SLC2A9: variants seen among roughly 807,000 people sequenced by gnomAD.
SLC2A9 encodes solute carrier family 2 member 9.
SLC2A9 carries 39 observed loss-of-function variants against 50.6 expected under a neutral mutation model. The ratio of observed to expected loss-of-function variants is 0.77; its 90% CI spans 0.60 to 1.01. SLC2A9 has a LOEUF of 1.01. Among genes scored for constraint, SLC2A9 ranks in the 50% least tolerant of loss-of-function variants. SLC2A9 has a pLI of 0.00. For synonymous variants in SLC2A9, 324 were observed against 276.9 expected (o/e 1.17, Z -1.69); for missense variants, 686 against 677.6 (o/e 1.01, Z -0.14).
rs113894972 is a variant in SLC2A9 at position 9,829,750 on chromosome 4, AC to A, written c.1420-3151del. On this transcript the variant is annotated intron_variant, in intron 11 of 11. Coordinates refer to ENST00000264784, the MANE Select transcript of SLC2A9 (RefSeq NM_020041.3). ...AAGAAGACATTCATATGGCCAAAAA[AC>A]ATATGAAAAAAAGCTCAACATCACT... 9.6e-3 allele frequency among the ~76,000 whole-genome samples: 1,469 copies of A among 152,302 alleles called. 20 individuals are homozygous for A. The highest frequency in any genetic ancestry group is 0.033 in the African/African-American group (1,382 of 41,562).
At chr4:9,915,356 G>C (rs554931613) in intron 7 of SLC2A9, among the ~76,000 whole-genome samples, 2 of 152,302 alleles carry the variant, frequency 1.3e-5, no homozygotes, top group African/African-American at 4.8e-5. Flanking sequence ...TCCTGCCTCA[G>C]CCTCCTGAGT....
intron 3 of SLC2A9, among the ~76,000 whole-genome samples, chr4:9,803,023 G>C (rs1172425772): frequency 2.6e-5 from 4 of 152,222 alleles, no homozygotes; most frequent in African/African-American, 2.4e-5. Flanking sequence ...TAGATATATG[G>C]TGTCAGAGGA....
At chr4:9,896,730 C>T (rs1176863988) in intron 8 of SLC2A9, among the ~76,000 whole-genome samples, 2 of 152,256 alleles carry the variant, frequency 1.3e-5, no homozygotes, top group East Asian at 3.9e-4. Flanking sequence ...GATACGTGGT[C>T]CATTTTGAGT....
At chr4:9,969,863 T>C (rs933761996) in intron 5 of SLC2A9, among the ~76,000 whole-genome samples, 1 of 152,220 alleles carries the variant, frequency 6.6e-6, no homozygotes, top group Non-Finnish European at 1.5e-5. Context: ...ATGGGAATTA[T>C]GGGAGCTACA....
At chr4:9,822,315 T>G (rs781677512), downstream of SLC2A9, among the ~76,000 whole-genome samples, 2 of 152,192 alleles carry the variant, frequency 1.3e-5, no homozygotes, top group Non-Finnish European at 2.9e-5. Flanking sequence ...TTATCTTTAT[T>G]ATTTTCTTCC....
intron 3 of SLC2A9, among the ~76,000 whole-genome samples, chr4:9,805,485 A>T (rs923719849): frequency 6.6e-6 from 1 of 152,026 alleles, no homozygotes; most frequent in Non-Finnish European, 1.5e-5. Flanking sequence ...GATCACCTGA[A>T]CTCAGGAGTT....
chr4:9,887,520 T>C, intron 10 of SLC2A9, 47 bp downstream of exon 10: 2 of 1,518,588 alleles, frequency 1.3e-6, no homozygotes, highest in African/African-American at 1.4e-5. Context: ...AGCTTGGTGA[T>C]GCCATGAGTC....
At chr4:9,975,890 C>A (rs999937961) in intron 5 of SLC2A9, among the ~76,000 whole-genome samples, 1 of 152,188 alleles carries the variant, frequency 6.6e-6, no homozygotes, top group Non-Finnish European at 1.5e-5. Context: ...ATGTGATACA[C>A]ATACACCGTA....
chr4:9,859,882 A>G (rs2109382905), intron 10 of SLC2A9, among the ~76,000 whole-genome samples: 1 of 152,276 alleles, frequency 6.6e-6, no homozygotes, highest in South Asian at 2.1e-4. Context: ...GTTGGCTGTG[A>G]CAAGCGGCCT....
intron 3 of SLC2A9, chr4:9,781,961 G>C: frequency 7.6e-7 from 1 of 1,316,954 alleles, no homozygotes; most frequent in Admixed American, 3.2e-5. Context: ...GGTGCCCGAT[G>C]GGGCTGCCTG....
chr4:9,946,709 TG>T (rs1348126230), intron 5 of SLC2A9, among the ~76,000 whole-genome samples: 1 of 152,196 alleles, frequency 6.6e-6, no homozygotes, highest in Non-Finnish European at 1.5e-5. Context: ...CTGCTAAGTG[TG>T]TTACAAATGT....
chr4:9,797,883 T>G (rs1412797627), downstream of SLC2A9, among the ~76,000 whole-genome samples: 1 of 152,138 alleles, frequency 6.6e-6, no homozygotes, highest in Non-Finnish European at 1.5e-5. Context: ...ATGTATATAT[T>G]TTAGGCAAAC....
At chr4:9,995,409 T>C (rs1758472390) in intron 3 of SLC2A9, among the ~76,000 whole-genome samples, 1 of 152,220 alleles carries the variant, frequency 6.6e-6, no homozygotes, top group African/African-American at 2.4e-5. Flanking sequence ...TCCTGTCCCA[T>C]CTTTTAGAAA....
chr4:9,878,035 T>A (rs1734573806), intron 10 of SLC2A9, among the ~76,000 whole-genome samples: 1 of 152,136 alleles, frequency 6.6e-6, no homozygotes, highest in Non-Finnish European at 1.5e-5. Context: ...CATTCTCAAC[T>A]GTGCCCTGTC....
chr4:9,802,460 T>C (rs1457932788), intron 3 of SLC2A9, among the ~76,000 whole-genome samples: 3 of 151,946 alleles, frequency 2.0e-5, no homozygotes, highest in Non-Finnish European at 4.4e-5. Flanking sequence ...CGATATGATA[T>C]GGAGGAAGGG....
intron 11 of SLC2A9, among the ~76,000 whole-genome samples, chr4:9,834,006 T>A (rs1726624883): frequency 6.6e-6 from 1 of 152,194 alleles, no homozygotes; most frequent in Non-Finnish European, 1.5e-5. Context: ...ATCCTCTCTC[T>A]CACCCATCTT....
chr4:10,024,699 G>C (rs542927852), upstream of SLC2A9, among the ~76,000 whole-genome samples: 2 of 152,210 alleles, frequency 1.3e-5, no homozygotes, highest in African/African-American at 4.8e-5. Flanking sequence ...CTGGCTCAGG[G>C]ACAGGGTCCA....
chr4:9,946,679 G>A (rs1415500610), intron 5 of SLC2A9, among the ~76,000 whole-genome samples: 1 of 152,128 alleles, frequency 6.6e-6, no homozygotes, highest in Non-Finnish European at 1.5e-5. Flanking sequence ...TGATCAAGTG[G>A]GCTCCACGTG....
chr4:10,007,077 T>A (rs958467165), intron 2 of SLC2A9, among the ~76,000 whole-genome samples: 1 of 152,210 alleles, frequency 6.6e-6, no homozygotes, highest in African/African-American at 2.4e-5. Context: ...TTTGCTGACT[T>A]AGCATTGTGT....
Sources: gnomAD v4.1 joint callset for allele counts (sites outside exome capture counted in the v4.1 genomes callset) on GRCh38, gnomAD v4.1.1 for gene constraint, MANE v1.5 for transcripts, NCBI Gene and HGNC (gene_info 2026-07-23, HGNC 2026-07-21) for gene names.